The following RAP1GDS1 variants were observed in gnomAD, a reference collection of about 807,000 sequenced individuals.
RAP1GDS1 encodes the protein Rap1 GTPase-GDP dissociation stimulator 1.
Under a neutral mutation model 71.1 loss-of-function variants are expected in RAP1GDS1, and 35 were observed. That is an observed-to-expected ratio of 0.49 (90% confidence interval 0.38 to 0.65). The LOEUF is 0.65. RAP1GDS1 is among the 30% of genes least tolerant of loss of function. The pLI is 0.00. For missense variants in RAP1GDS1, 663 were observed against 706.1 expected (o/e 0.94, Z 0.69); for synonymous variants, 229 against 243.1 (o/e 0.94, Z 0.54).
At chr4:98,352,035 C>T (rs1187280742) in intron 3 of RAP1GDS1, among the ~76,000 whole-genome samples, 1 of 150,470 alleles carries the variant, frequency 6.6e-6, no homozygotes, top group African/African-American at 2.4e-5. Context: ...TATTTATAGG[C>T]TTTTTTAGAA....
At chr4:98,399,461 T>G (rs937007012) in intron 6 of RAP1GDS1, among the ~76,000 whole-genome samples, 2 of 152,056 alleles carry the variant, frequency 1.3e-5, no homozygotes, top group Non-Finnish European at 2.9e-5. Flanking sequence ...GCCCCATTTG[T>G]TTTTGTATTT....
At chr4:98,277,997 C>T (rs1055302873) in intron 1 of RAP1GDS1, among the ~76,000 whole-genome samples, 3 of 152,154 alleles carry the variant, frequency 2.0e-5, no homozygotes, top group South Asian at 2.1e-4. Flanking sequence ...GAGGCCAAGG[C>T]GGATGTGTCA....
chr4:98,283,817 ATTTTTTTTT>A (rs10582639), intron 1 of RAP1GDS1, among the ~76,000 whole-genome samples: 2 of 133,966 alleles, frequency 1.5e-5, no homozygotes, highest in Non-Finnish European at 3.2e-5. Flanking sequence ...TTTCATTGTG[ATTTTTTTTT>A]TTTTTTTTTT....
In RAP1GDS1 at chr4:98,443,015, A is replaced by ATTTTTTTTTCTTTTTT. The variant is rs543199019; in HGVS notation, c.*907_*908insCTTTTTTTTTTTTTTT. ...TGAGTATAGTTCATTGAAGAATGGA[A>ATTTTTTTTTCTTTTTT]TTTTTTTTTTTTTTTTTTTTTTTGC... is the stretch of plus-strand genomic sequence containing the variant. On this transcript the variant is annotated 3_prime_UTR_variant, in exon 15 of 15. Coordinates refer to ENST00000408927, the MANE Select transcript of RAP1GDS1 (RefSeq NM_001100427.2). 349 of 138,260 alleles carry ATTTTTTTTTCTTTTTT rather than the reference A, an allele frequency of 2.5e-3. 5 individuals are homozygous for ATTTTTTTTTCTTTTTT. Among genetic ancestry groups the ATTTTTTTTTCTTTTTT allele is most frequent in the African/African-American group, 5.5e-3 (140 of 25,318 alleles). The allele number at this position is 138,260 out of a possible 1,614,324, so 8.6% of individuals were successfully genotyped here.
chr4:98,441,937 A>C, intron 14 of RAP1GDS1, 53 bp from the exon 15 acceptor site: 1 of 1,587,486 alleles, frequency 6.3e-7, no homozygotes, highest in East Asian at 2.2e-5. Flanking sequence ...TATGTTTTGG[A>C]TAGACTTAGA....
At chr4:98,415,861 A>T (rs866750753) in intron 7 of RAP1GDS1, among the ~76,000 whole-genome samples, 5 of 152,330 alleles carry the variant, frequency 3.3e-5, no homozygotes, top group Non-Finnish European at 4.4e-5. Context: ...ATCACTCAAG[A>T]AAGCTTTAAA....
intron 11 of RAP1GDS1, among the ~76,000 whole-genome samples, chr4:98,420,374 A>ATTTC (rs1748663667): frequency 6.7e-6 from 1 of 150,152 alleles, no homozygotes; most frequent in Admixed American, 6.6e-5. Context: ...TTGTTTATTT[A>ATTTC]TTTATTTTTG....
intron 6 of RAP1GDS1, among the ~76,000 whole-genome samples, chr4:98,393,846 T>G (rs530338471): frequency 6.6e-6 from 1 of 152,214 alleles, no homozygotes; most frequent in Non-Finnish European, 1.5e-5. Flanking sequence ...AATTTGAATA[T>G]ATTGGGTGAA....
At chr4:98,274,205 G>A (rs1023130381) in intron 1 of RAP1GDS1, among the ~76,000 whole-genome samples, 5 of 152,082 alleles carry the variant, frequency 3.3e-5, no homozygotes, top group African/African-American at 1.2e-4. Context: ...CTATAGTAGT[G>A]GTTAAAGGCA....
intron 4 of RAP1GDS1, 39 bp from the exon 5 acceptor site, chr4:98,378,977 CT>C: frequency 6.7e-7 from 1 of 1,498,210 alleles, no homozygotes; most frequent in Non-Finnish European, 9.0e-7. Flanking sequence ...AGGTACATTT[CT>C]TTTTTCTTTT....
chr4:98,345,649 GAT>G (rs1736132068), intron 3 of RAP1GDS1, among the ~76,000 whole-genome samples: 1 of 152,140 alleles, frequency 6.6e-6, no homozygotes, highest in Non-Finnish European at 1.5e-5. Context: ...TGCCAGCTAT[GAT>G]TTTGTGCTAA....
chr4:98,367,868 C>T (rs1739751794), intron 4 of RAP1GDS1, among the ~76,000 whole-genome samples: 1 of 152,116 alleles, frequency 6.6e-6, no homozygotes, highest in South Asian at 2.1e-4. Context: ...GGTTCATAGG[C>T]AGAAGGGATT....
At position 98,442,100 on chromosome 4, in the gene RAP1GDS1, CTT is replaced by C; in HGVS notation, c.1808_1809del (p.Leu603HisfsTer17). The C allele has an allele frequency of 6.2e-7, 1 of 1,613,574 alleles. No homozygotes were observed. Among genetic ancestry groups the C allele is most frequent in the Non-Finnish European group, 8.5e-7 (1 of 1,179,968 alleles). ...GCAGGCCTCTCTCACAGAGCAGAGA[CTT>C]ACTGTGGAAAGCTGAGAACTGCCCG... is the stretch of plus-strand genomic sequence containing the variant. ...AQQASLTEQR[L>X]TVES On this transcript the variant is annotated frameshift_variant, in exon 15 of 15. Transcript: ENST00000408927. LOFTEE classifies it high-confidence loss of function.
intron 4 of RAP1GDS1, among the ~76,000 whole-genome samples, chr4:98,366,942 T>C (rs1270726106): frequency 2.0e-5 from 3 of 152,180 alleles, no homozygotes; most frequent in Non-Finnish European, 2.9e-5. Context: ...AAGAAAATTC[T>C]ATTTTTCTGA....
intron 5 of RAP1GDS1, 105 bp from the exon 6 acceptor site, chr4:98,391,847 C>T: frequency 9.1e-7 from 1 of 1,102,610 alleles, no homozygotes; most frequent in Non-Finnish European, 1.2e-6. Flanking sequence ...ATTTAAATAA[C>T]TTTGAGTTTC....
intron 1 of RAP1GDS1, among the ~76,000 whole-genome samples, chr4:98,284,134 A>G (rs1453140689): frequency 6.6e-6 from 1 of 152,152 alleles, no homozygotes; most frequent in Non-Finnish European, 1.5e-5. Flanking sequence ...CTCATCTATT[A>G]CAGTCAGATA....
At chr4:98,318,368 G>C (rs528312248) in intron 2 of RAP1GDS1, among the ~76,000 whole-genome samples, 2 of 152,202 alleles carry the variant, frequency 1.3e-5, no homozygotes, top group South Asian at 4.1e-4. Context: ...ACATACTTGT[G>C]ATAAAGTTTA....
At chr4:98,381,491 T>C (rs145542644) in intron 5 of RAP1GDS1, among the ~76,000 whole-genome samples, 12 of 151,820 alleles carry the variant, frequency 7.9e-5, no homozygotes, top group African/African-American at 1.7e-4. Context: ...TTAAAATTTA[T>C]GTTTGAAGAC....
At chr4:98,307,389 C>T (rs2110310051) in intron 2 of RAP1GDS1, among the ~76,000 whole-genome samples, 1 of 151,988 alleles carries the variant, frequency 6.6e-6, no homozygotes, top group Non-Finnish European at 1.5e-5. Context: ...TTTGTTATAT[C>T]AGAAATTTTG....
Sources: allele counts gnomAD v4.1 joint callset (sites outside exome capture counted in the v4.1 genomes callset), GRCh38; gene constraint gnomAD v4.1.1; transcripts MANE v1.5; gene names NCBI Gene and HGNC (gene_info 2026-07-23, HGNC 2026-07-21).